Variants in PAPLN observed in about 807,000 individuals in gnomAD.
PAPLN encodes papilin.
In PAPLN, 146 loss-of-function variants were observed where a neutral mutation model predicts 159.0. The observed-to-expected ratio is 0.92, with a 90% CI of 0.80 to 1.05. PAPLN has a LOEUF of 1.05. PAPLN is among the 50% of genes least tolerant of loss of function. The probability of loss-of-function intolerance (pLI) is 0.00; values close to 1 mark genes in which losing one functional copy is unlikely to be tolerated. For missense variants in PAPLN, 1,720 were observed against 1,743.9 expected, an observed-to-expected ratio of 0.99 and a Z score of 0.24; for synonymous variants, 734 against 702.9, an observed-to-expected ratio of 1.04 and a Z score of -0.70.
At chr14:73,240,814 G>C (rs1361559237) in intron 2 of PAPLN, among the ~76,000 whole-genome samples, 5 of 152,180 alleles carry the variant, frequency 3.3e-5, no homozygotes, top group Non-Finnish European at 7.3e-5. Context: ...GGGGAGGAGG[G>C]GGTCTGCAGA....
At chr14:73,236,815 TAA>T (rs901162327), upstream of PAPLN, among the ~76,000 whole-genome samples, 703 of 76,864 alleles carry the variant, frequency 9.1e-3, 8 homozygotes, top group African/African-American at 0.03. Context: ...AAACTCCGTC[TAA>T]AAAAAAAAAA....
chr14:73,262,601 G>T lies in PAPLN; in HGVS notation c.2497G>T (p.Ala833Ser). Residue 833 changes from alanine (A) to serine (S), a missense_variant, in exon 19 of 27, where the codon GCA becomes TCA. Physicochemically the swap from Ala to Ser is moderately conservative, Grantham distance 99. Coordinates refer to ENST00000644200, the MANE Select transcript of PAPLN (RefSeq NM_001365906.3). ...THTDGGGSSP[A>S]GEQEPSQHRT... The stretch of plus-strand genomic sequence containing the variant: ...CACGGATGGTGGCGGCAGCAGTCCT[G>T]CAGGCGAGCAGGAACCCAGCCAGCA... 6.4e-7 allele frequency: 1 copy of T among 1,553,430 alleles called. No homozygotes were observed. Among genetic ancestry groups the T allele is most frequent in the Non-Finnish European group, 8.7e-7 (1 of 1,146,974 alleles).
chr14:73,261,776 T>C (rs1231410924), intron 18 of PAPLN, among the ~76,000 whole-genome samples: 1 of 152,218 alleles, frequency 6.6e-6, no homozygotes, highest in Non-Finnish European at 1.5e-5. Flanking sequence ...AAAGCCGGGC[T>C]AGGGCTGTGG....
intron 18 of PAPLN, 71 bp downstream of exon 18, chr14:73,261,365 C>T (rs2140281587): frequency 1.3e-6 from 2 of 1,553,710 alleles, no homozygotes; most frequent in South Asian, 2.4e-5. Context: ...AGCCCCCACC[C>T]AGGACCAAAG....
chr14:73,262,311 G>A (rs1305425660), intron 18 of PAPLN, 39 bp from the exon 19 acceptor site: 9 of 1,559,146 alleles, frequency 5.8e-6, no homozygotes, highest in Non-Finnish European at 7.9e-6. Context: ...CTTTAGTACT[G>A]GGCACCTCAG....
At position 73,272,626 on chromosome 14, in the gene PAPLN, TCA is replaced by T; in HGVS notation, c.3801_3802del (p.Arg1268PhefsTer23). ...CTCCAGCTTCTGCTGTGCCAGCTGT[TCA>T]CGTTTCCAGCCTCACGCTCAGCCCA... ...YYSSFCCASC[S>X]RFQPHAQPIW... On this transcript the variant is annotated frameshift_variant, in exon 27 of 27. Transcript: ENST00000644200. LOFTEE classifies it high-confidence loss of function. The T allele has an allele frequency of 6.3e-7, 1 of 1,593,718 alleles. No homozygotes were observed.
chr14:73,264,425 C>T (rs1886998760), intron 21 of PAPLN, 90 bp downstream of exon 21: 1 of 1,550,714 alleles, frequency 6.4e-7, no homozygotes, highest in Admixed American at 1.9e-5. Flanking sequence ...CTGCCTCACG[C>T]TAGAGGGGCC....
chr14:73,239,225 C>T (rs1257067424), intron 1 of PAPLN, among the ~76,000 whole-genome samples: 1 of 152,238 alleles, frequency 6.6e-6, no homozygotes, highest in Non-Finnish European at 1.5e-5. Context: ...CACTGCACTG[C>T]ATACACACGT....
At chr14:73,258,354 C>G (rs1359905618) in intron 14 of PAPLN, among the ~76,000 whole-genome samples, 1 of 151,938 alleles carries the variant, frequency 6.6e-6, no homozygotes, top group Admixed American at 6.6e-5. Flanking sequence ...AGTTCTTTAC[C>G]CACTTTTTAA....
In PAPLN at chr14:73,252,712, A is replaced by G; in HGVS notation, c.1031A>G (p.Gln344Arg). The G allele has an allele frequency of 6.2e-7, 1 of 1,613,536 alleles. No individual in the cohort carries two copies. Among genetic ancestry groups the G allele is most frequent in the South Asian group, 1.1e-5 (1 of 91,082 alleles). Residue 344 changes from glutamine (Q) to arginine (R), a missense_variant, in exon 11 of 27, where the codon CAG becomes CGG. Physicochemically the swap from Gln to Arg is conservative, Grantham distance 43. Transcript: ENST00000644200. The stretch of plus-strand genomic sequence containing the variant: ...GAGGCCTACCCCGACCACATGTGCC[A>G]GCGCCAGCCACGGCCAGCTGACCGG... Reference protein sequence around the residue: ...DHEAYPDHMCQRQPRPADRRS... With the variant: ...DHEAYPDHMCRRQPRPADRRS...
chr14:73,253,271 G>C (rs1229262377), intron 11 of PAPLN: 7 of 1,350,762 alleles, frequency 5.2e-6, no homozygotes, highest in African/African-American at 1.5e-5. Context: ...GTGCCACCCT[G>C]TCACCGCTTG....
chr14:73,246,326 G>T, intron 5 of PAPLN, 151 bp downstream of exon 5: 1 of 669,962 alleles, frequency 1.5e-6, no homozygotes, highest in Non-Finnish European at 2.2e-6. Context: ...GAACTCCTGG[G>T]CTCAAGGGAT....
At chr14:73,239,668 T>TGTG (rs1883317811) in intron 1 of PAPLN, 105 bp from the exon 2 acceptor site, 5 of 1,486,154 alleles carry the variant, frequency 3.4e-6, no homozygotes, top group Non-Finnish European at 4.5e-6. Context: ...GCGGGTCTCC[T>TGTG]GGTCACCTGT....
At position 73,246,175 on chromosome 14, in the gene PAPLN, G is replaced by A. The variant is rs1255954888; in HGVS notation, c.334G>A (p.Ala112Thr). 1 of 1,574,960 alleles carries A rather than the reference G, an allele frequency of 6.3e-7. No individual in the cohort carries two copies. The highest frequency in any genetic ancestry group is 8.6e-7 in the Non-Finnish European group (1 of 1,165,198). ...GTATCGGTGGCTGCCCTACTACAGCGGTGAGCGCGGCCGGGACTCGCTCTC... is the reference window on the plus strand; with the variant it reads ...GTATCGGTGGCTGCCCTACTACAGCAGTGAGCGCGGCCGGGACTCGCTCTC... ...RRYRWLPYYSAPNKCELNCIP... is the reference protein window; with the variant it reads ...RRYRWLPYYSTPNKCELNCIP... The change falls in exon 5 of 27, where the codon GCC becomes ACC. Residue 112 changes from alanine (A) to threonine (T), a missense_variant and splice_region_variant. By Grantham distance (58) the Ala-to-Thr change is moderately conservative. Coordinates refer to ENST00000644200, the MANE Select transcript of PAPLN (RefSeq NM_001365906.3).
intron 16 of PAPLN, 119 bp from the exon 17 acceptor site, chr14:73,260,590 T>C (rs56125341): frequency 0.085 from 108,152 of 1,274,836 alleles, 5,010 homozygotes; most frequent in South Asian, 0.18. Flanking sequence ...ACACGTCCTC[T>C]CCCCCCCAGG....
intron 26 of PAPLN, 178 bp from the exon 27 acceptor site, chr14:73,272,317 A>C: frequency 6.2e-6 from 3 of 485,906 alleles, no homozygotes; most frequent in Non-Finnish European, 1.0e-5. Flanking sequence ...ACAGGTAGAA[A>C]TCATCATCCC....
chr14:73,260,441 G>A (rs1886430327), intron 16 of PAPLN, among the ~76,000 whole-genome samples: 1 of 152,186 alleles, frequency 6.6e-6, no homozygotes, highest in Admixed American at 6.5e-5. Flanking sequence ...TTTGTGGGCT[G>A]TGCAACTGAG....
In PAPLN at chr14:73,245,910, G is replaced by GCA; in HGVS notation, c.232-161_232-160dup. 1 of 873,620 alleles carries GCA rather than the reference G, an allele frequency of 1.1e-6. No individual in the cohort carries two copies. Among genetic ancestry groups the GCA allele is most frequent in the Non-Finnish European group, 1.7e-6 (1 of 589,388 alleles). The allele number at this position is 873,620 out of a possible 1,614,324, so 54.1% of individuals were successfully genotyped here. A position where few individuals can be genotyped will look rare whatever the true frequency, so the allele number is the denominator to read the frequency against. On this transcript the variant is annotated intron_variant, in intron 4 of 26. Coordinates refer to ENST00000644200, the MANE Select transcript of PAPLN (RefSeq NM_001365906.3). The surrounding 1 kb of genome is among the most constrained non-coding windows in gnomAD (Gnocchi z 4.2). ...CCACAGCCTAGAGCACCATGGAGGG[G>GCA]CACGCACAGGAGTTCGGGGGTCCGG...
intron 26 of PAPLN, 59 bp from the exon 27 acceptor site, chr14:73,272,436 G>A (rs1887822678): frequency 7.1e-7 from 1 of 1,407,852 alleles, no homozygotes; most frequent in South Asian, 1.6e-5. Context: ...TGGCAGGTGA[G>A]AATTTTCAGC....
Sources: gnomAD v4.1 joint callset for allele counts (sites outside exome capture counted in the v4.1 genomes callset) on GRCh38, gnomAD v4.1.1 for gene constraint, Gnocchi (gnomAD v3.1) non-coding constraint, MANE v1.5 for transcripts, NCBI Gene and HGNC (gene_info 2026-07-23, HGNC 2026-07-21) for gene names.